RBFOX3: variants seen among roughly 807,000 people sequenced by gnomAD.
RBFOX3 encodes RNA binding protein fox-1 homolog 3.
RBFOX3 carries 17 observed loss-of-function variants against 48.7 expected under a neutral mutation model. The observed-to-expected ratio is 0.35, with a 90% CI of 0.24 to 0.52. The LOEUF is 0.52. RBFOX3 is among the 20% of genes least tolerant of loss of function. The pLI is 0.94. For missense variants in RBFOX3, 382 were observed against 497.5 expected, an observed-to-expected ratio of 0.77 and a Z score of 2.21; for synonymous variants, 212 against 209.5, an observed-to-expected ratio of 1.01 and a Z score of -0.10.
At chr17:79,616,785 C>T in the RBFOX3 span, among the ~76,000 whole-genome samples, 1 of 152,208 alleles carries the variant, frequency 6.6e-6, no homozygotes, top group Non-Finnish European at 1.5e-5. Flanking sequence ...CGCCCCACTA[C>T]TGTTTCACGA....
chr17:79,404,328 CA>C (rs1258617788), intron 2 of RBFOX3, among the ~76,000 whole-genome samples: 4 of 119,916 alleles, frequency 3.3e-5, no homozygotes, highest in African/African-American at 1.2e-4. Flanking sequence ...CCTCCTAAGC[CA>C]ACTCTTTGAG....
chr17:79,665,452 ACGCC>A, the RBFOX3 span, among the ~76,000 whole-genome samples: 1 of 150,178 alleles, frequency 6.7e-6, no homozygotes, highest in Non-Finnish European at 1.5e-5. Flanking sequence ...CTGGAAACCG[ACGCC>A]GGGGTCTGAG....
intron 3 of RBFOX3, among the ~76,000 whole-genome samples, chr17:79,259,339 C>T (rs2065366022): frequency 6.6e-6 from 1 of 152,222 alleles, no homozygotes; most frequent in South Asian, 2.1e-4. Flanking sequence ...GCAGGACCCG[C>T]AGCCCTGTGG....
chr17:79,112,904 C>CGGCGGGGGGGGGGGGGGGGG (rs1307784460), intron 5 of RBFOX3, among the ~76,000 whole-genome samples: 2 of 10,356 alleles, frequency 1.9e-4, no homozygotes. Context: ...AGCAGGCTCT[C>CGGCGGGGGGGGGGGGGGGGG]GGGGGGGGGG....
rs2064401011 is a variant in RBFOX3 at position 79,254,108 on chromosome 17, G to A, written c.-73-18303C>T. 2.0e-5 allele frequency among the ~76,000 whole-genome samples: 3 copies of A among 152,216 alleles called. No homozygotes were observed. The South Asian group carries it at 6.2e-4, about 31-fold the overall frequency. On this transcript the variant is annotated intron_variant, in intron 3 of 14. Coordinates refer to ENST00000693108, the MANE Select transcript of RBFOX3 (RefSeq NM_001350451.2). The surrounding 1 kb of genome is among the most constrained non-coding windows in gnomAD (Gnocchi z 4.8). The stretch of plus-strand genomic sequence containing the variant: ...GAAGTCACTGCAATGCCCAGGTCCT[G>A]GGCAGGGAGGCAAGTTCACCACTGC...
At chr17:79,155,273 C>G (rs1254360867) in intron 4 of RBFOX3, among the ~76,000 whole-genome samples, 5 of 152,236 alleles carry the variant, frequency 3.3e-5, no homozygotes, top group African/African-American at 9.6e-5. Flanking sequence ...CCCACACCCC[C>G]AAGCCTTGAC....
At chr17:79,612,935 C>T (rs1232181409), upstream of RBFOX3, among the ~76,000 whole-genome samples, 5 of 152,194 alleles carry the variant, frequency 3.3e-5, no homozygotes, top group African/African-American at 4.8e-5. Context: ...CCCTGGGGAG[C>T]CTTTTCCTCT....
intron 4 of RBFOX3, among the ~76,000 whole-genome samples, chr17:79,224,387 C>T (rs1166549440): frequency 6.6e-6 from 1 of 152,224 alleles, no homozygotes; most frequent in Non-Finnish European, 1.5e-5. Context: ...TTCCACAGGC[C>T]AGCCCTTGAG....
intron 2 of RBFOX3, among the ~76,000 whole-genome samples, chr17:79,337,371 A>C (rs1261786080): frequency 6.6e-6 from 1 of 152,190 alleles, no homozygotes; most frequent in Non-Finnish European, 1.5e-5. Flanking sequence ...CGCACAGCAC[A>C]GCTGCATCCG....
chr17:79,157,899 G>A (rs2046173787), intron 4 of RBFOX3, among the ~76,000 whole-genome samples: 1 of 152,202 alleles, frequency 6.6e-6, no homozygotes, highest in Non-Finnish European at 1.5e-5. Context: ...GCTAGGATGG[G>A]GCTAGACGGC....
intron 3 of RBFOX3, among the ~76,000 whole-genome samples, chr17:79,285,199 C>A (rs1567976600): frequency 6.6e-6 from 1 of 152,222 alleles, no homozygotes; most frequent in Non-Finnish European, 1.5e-5. Context: ...CTGTAACCCT[C>A]TCCTCGCTCC....
rs190095246 is a variant in RBFOX3 at position 79,380,403 on chromosome 17, C to T, written c.-174-72579G>A. ...TATCCAAGGCTCTTGTGAAGGTGGC[C>T]GACAGGCTGTGCATTCACAATGAAG... On this transcript the variant is annotated intron_variant, in intron 2 of 14. Coordinates refer to ENST00000693108, the MANE Select transcript of RBFOX3 (RefSeq NM_001350451.2). Among the ~76,000 whole-genome samples, 7 of 152,322 alleles carry T rather than the reference C, an allele frequency of 4.6e-5. No individual in the cohort carries two copies. In the East Asian group the frequency reaches 1.2e-3, roughly 25 times the overall value.
At chr17:79,197,388 C>CTTTTTT (rs72118967) in intron 4 of RBFOX3, among the ~76,000 whole-genome samples, 30 of 112,804 alleles carry the variant, frequency 2.7e-4, no homozygotes, top group East Asian at 7.4e-4. Context: ...TTCTTTCTTT[C>CTTTTTT]TTTTTTTTTT....
At chr17:79,228,891 A>C (rs1463925621) in intron 4 of RBFOX3, among the ~76,000 whole-genome samples, 3 of 152,166 alleles carry the variant, frequency 2.0e-5, no homozygotes, top group Non-Finnish European at 4.4e-5. Context: ...AGTTCCATGA[A>C]GCTAGGCAGC....
intron 2 of RBFOX3, among the ~76,000 whole-genome samples, chr17:79,335,208 A>C (rs2081005091): frequency 6.6e-6 from 1 of 152,222 alleles, no homozygotes. Flanking sequence ...AGACTCCAGC[A>C]CACAGCAGGT....
At chr17:79,232,439 C>G (rs1288665042) in intron 4 of RBFOX3, among the ~76,000 whole-genome samples, 1 of 152,196 alleles carries the variant, frequency 6.6e-6, no homozygotes, top group African/African-American at 2.4e-5. Context: ...GACAGGCCAA[C>G]AGATCCAAGA....
intron 1 of RBFOX3, among the ~76,000 whole-genome samples, chr17:79,559,301 G>T (rs1272989181): frequency 2.0e-5 from 3 of 152,092 alleles, no homozygotes; most frequent in African/African-American, 7.2e-5. Context: ...GGTGGTGAGT[G>T]GGTGGTGGAT....
chr17:79,224,723 G>A (rs1370115862), intron 4 of RBFOX3, among the ~76,000 whole-genome samples: 3 of 152,210 alleles, frequency 2.0e-5, no homozygotes, highest in African/African-American at 7.2e-5. Flanking sequence ...ATTATTAACA[G>A]GGCTGCAGTT....
chr17:79,397,406 T>A (rs146403104), intron 2 of RBFOX3, among the ~76,000 whole-genome samples: 4,356 of 150,680 alleles, frequency 0.029, 91 homozygotes, highest in Non-Finnish European at 0.045. Context: ...GGCAGGAGAA[T>A]CACTTGAACC....
Sources: allele counts gnomAD v4.1 joint callset (sites outside exome capture counted in the v4.1 genomes callset), GRCh38; gene constraint gnomAD v4.1.1; non-coding constraint Gnocchi (gnomAD v3.1); transcripts MANE v1.5; gene names NCBI Gene and HGNC (gene_info 2026-07-23, HGNC 2026-07-21).